Variants in NKAIN2 observed in about 807,000 individuals in gnomAD.
The protein encoded by NKAIN2 is sodium/potassium transporting ATPase interacting 2.
A neutral mutation model predicts 32.6 loss-of-function variants in NKAIN2; 14 were observed. The ratio of observed to expected loss-of-function variants is 0.43; its 90% CI spans 0.28 to 0.67. The LOEUF is 0.67. NKAIN2 is among the 30% of genes least tolerant of loss of function. The pLI is 0.17. For missense variants in NKAIN2, 198 were observed against 258.3 expected, an observed-to-expected ratio of 0.77 and a Z score of 1.60; for synonymous variants, 80 against 87.2, an observed-to-expected ratio of 0.92 and a Z score of 0.46.
At chr6:124,530,172 A>G (rs1184173637) in intron 3 of NKAIN2, among the ~76,000 whole-genome samples, 1 of 152,228 alleles carries the variant, frequency 6.6e-6, no homozygotes, top group African/African-American at 2.4e-5. Flanking sequence ...AAACTTAACT[A>G]CTAATAGCCT....
intron 1 of NKAIN2, among the ~76,000 whole-genome samples, chr6:124,160,232 C>T (rs1053120537): frequency 6.6e-6 from 1 of 152,132 alleles, no homozygotes; most frequent in Admixed American, 6.6e-5. Flanking sequence ...TTTATCTATA[C>T]AGCAGACTTT....
chr6:124,406,709 G>A (rs1773874421), intron 3 of NKAIN2, among the ~76,000 whole-genome samples: 1 of 152,052 alleles, frequency 6.6e-6, no homozygotes, highest in Non-Finnish European at 1.5e-5. Context: ...AGTAGCATAT[G>A]AGAATCAGAT....
chr6:124,216,752 A>G (rs981938398), intron 1 of NKAIN2, among the ~76,000 whole-genome samples: 17 of 152,198 alleles, frequency 1.1e-4, no homozygotes, highest in Non-Finnish European at 2.2e-4. Flanking sequence ...AATAATCTAT[A>G]TTAAATAAGG....
At chr6:124,566,574 G>A (rs955715920) in intron 3 of NKAIN2, among the ~76,000 whole-genome samples, 3 of 152,036 alleles carry the variant, frequency 2.0e-5, no homozygotes, top group African/African-American at 7.2e-5. Context: ...TTACACCACT[G>A]TTTACTAAAA....
intron 1 of NKAIN2, among the ~76,000 whole-genome samples, chr6:124,098,326 G>A (rs1285131975): frequency 6.6e-6 from 1 of 152,112 alleles, no homozygotes; most frequent in Admixed American, 6.6e-5. Context: ...TGCATTATTT[G>A]AATGTCTCAC....
At chr6:124,030,410 CTG>C (rs1781355964) in intron 1 of NKAIN2, among the ~76,000 whole-genome samples, 1 of 152,128 alleles carries the variant, frequency 6.6e-6, no homozygotes, top group Non-Finnish European at 1.5e-5. Flanking sequence ...AGTCTTGTAA[CTG>C]TGAACAGAAA....
chr6:124,217,735 G>A (rs1174578685), intron 1 of NKAIN2, among the ~76,000 whole-genome samples: 4 of 151,912 alleles, frequency 2.6e-5, no homozygotes, highest in African/African-American at 9.7e-5. Context: ...ACAAAGCAGT[G>A]TTGCATCTTG....
At chr6:124,756,163 A>T (rs1777955437) in intron 4 of NKAIN2, among the ~76,000 whole-genome samples, 1 of 152,212 alleles carries the variant, frequency 6.6e-6, no homozygotes, top group Non-Finnish European at 1.5e-5. Context: ...AGCAAAATGA[A>T]CAACGGTTTA....
intron 5 of NKAIN2, among the ~76,000 whole-genome samples, chr6:124,803,962 T>C (rs575146044): frequency 6.6e-5 from 10 of 152,320 alleles, no homozygotes; most frequent in Admixed American, 3.3e-4. Context: ...CACCTGATTC[T>C]CTCAATAACC....
At chr6:124,101,198 G>T (rs1443272917) in intron 1 of NKAIN2, among the ~76,000 whole-genome samples, 1 of 152,058 alleles carries the variant, frequency 6.6e-6, no homozygotes, top group Non-Finnish European at 1.5e-5. Flanking sequence ...CTCTAAGATG[G>T]ACATTAAAGT....
intron 1 of NKAIN2, among the ~76,000 whole-genome samples, chr6:123,986,163 G>T (rs1052563042): frequency 2.0e-5 from 3 of 151,832 alleles, no homozygotes; most frequent in Non-Finnish European, 4.4e-5. Flanking sequence ...AAGACAAAAG[G>T]GGCTAGAATT....
At chr6:123,978,536 A>C (rs1361554906) in intron 1 of NKAIN2, among the ~76,000 whole-genome samples, 2 of 152,212 alleles carry the variant, frequency 1.3e-5, no homozygotes, top group Non-Finnish European at 2.9e-5. Flanking sequence ...ACATAGTGTG[A>C]AATGTACAAC....
At chr6:124,298,783 G>T (rs1018445008) in intron 2 of NKAIN2, among the ~76,000 whole-genome samples, 1 of 152,116 alleles carries the variant, frequency 6.6e-6, no homozygotes, top group East Asian at 1.9e-4. Flanking sequence ...TATCAGTGGG[G>T]ATGCTATCAT....
At chr6:124,287,564 A>G (rs1795612703) in intron 2 of NKAIN2, among the ~76,000 whole-genome samples, 7 of 152,214 alleles carry the variant, frequency 4.6e-5, no homozygotes, top group Admixed American at 4.6e-4. Context: ...GGAAAATGAA[A>G]TAGATGTTTT....
chr6:124,626,799 A>AAAAC (rs1457091685), intron 3 of NKAIN2, among the ~76,000 whole-genome samples: 3 of 152,164 alleles, frequency 2.0e-5, no homozygotes, highest in Non-Finnish European at 2.9e-5. Context: ...TGGGGGCTTA[A>AAAAC]AAACAGACCT....
chr6:123,959,519 A>G (rs1314192257), intron 1 of NKAIN2, among the ~76,000 whole-genome samples: 1 of 152,186 alleles, frequency 6.6e-6, no homozygotes, highest in Non-Finnish European at 1.5e-5. Context: ...GTGTCCTTGA[A>G]CATGATACTT....
At chr6:124,289,669 G>C (rs960286282) in intron 2 of NKAIN2, among the ~76,000 whole-genome samples, 1 of 152,074 alleles carries the variant, frequency 6.6e-6, no homozygotes, top group Non-Finnish European at 1.5e-5. Context: ...TGGAGCTCAG[G>C]TCTCCATAGA....
chr6:124,600,580 G>A (rs979973232), intron 3 of NKAIN2, among the ~76,000 whole-genome samples: 19 of 151,990 alleles, frequency 1.3e-4, no homozygotes, highest in African/African-American at 4.1e-4. Flanking sequence ...AAGTATTTCA[G>A]TATTGGAGGA....
At chr6:123,928,730 A>G (rs1191849302) in intron 1 of NKAIN2, among the ~76,000 whole-genome samples, 7 of 152,194 alleles carry the variant, frequency 4.6e-5, no homozygotes, top group African/African-American at 1.7e-4. Context: ...AGTCTACTGT[A>G]TGAATCAGTA....
Sources: gnomAD v4.1 joint callset for allele counts (sites outside exome capture counted in the v4.1 genomes callset) on GRCh38, gnomAD v4.1.1 for gene constraint, MANE v1.5 for transcripts, NCBI Gene and HGNC (gene_info 2026-07-23, HGNC 2026-07-21) for gene names.